The following NPHP4 variants were observed in gnomAD, a reference collection of about 807,000 sequenced individuals.
NPHP4 encodes the protein nephrocystin 4, also known as nephrocystin-4.
Under a neutral mutation model 155.8 loss-of-function variants are expected in NPHP4, and 151 were observed. The ratio of observed to expected loss-of-function variants is 0.97; its 90% CI spans 0.85 to 1.11. The LOEUF (loss-of-function observed/expected upper bound fraction) is 1.11, where lower values mean the gene tolerates loss of function less well. Ranked by LOEUF, NPHP4 falls within the 50% of genes least tolerant of loss-of-function variation. The probability of loss-of-function intolerance (pLI) is 0.00; values close to 1 mark genes in which losing one functional copy is unlikely to be tolerated. For synonymous variants in NPHP4, 845 were observed against 816.8 expected, an observed-to-expected ratio of 1.03 and a Z score of -0.59; for missense variants, 1,956 against 1,925.7, an observed-to-expected ratio of 1.02 and a Z score of -0.29.
chr1:5,964,941 A>ATTTTTTTTTT lies in NPHP4; in HGVS notation c.517+2348_517+2357dup, dbSNP rs55734317. The stretch of plus-strand genomic sequence containing the variant: ...ATTATATATATATATATATATATAT[A>ATTTTTTTTTT]TTTTTTTTTTTTGAGGCAGGGTCTC... On this transcript the variant is annotated intron_variant, in intron 5 of 29. Transcript: ENST00000378156. 7.8e-3 allele frequency among the ~76,000 whole-genome samples: 464 copies of ATTTTTTTTTT among 59,326 alleles called. 26 individuals are homozygous for ATTTTTTTTTT. The highest frequency in any genetic ancestry group is 0.021 in the African/African-American group (243 of 11,742). The allele number at this position is 59,326 out of a possible 152,430, so 38.9% of individuals were successfully genotyped here. A position where few individuals can be genotyped will look rare whatever the true frequency, so the allele number is the denominator to read the frequency against.
At chr1:5,872,605 C>T (rs992046157) in intron 23 of NPHP4, among the ~76,000 whole-genome samples, 6 of 152,214 alleles carry the variant, frequency 3.9e-5, no homozygotes, top group African/African-American at 1.4e-4. Context: ...CAGTGAGACC[C>T]GGGCCACGGG....
rs561564479 is a variant in NPHP4, at chr1:5,957,456, C to A, written c.673+4338G>T. On this transcript the variant is annotated intron_variant, in intron 6 of 29. Coordinates refer to ENST00000378156, the MANE Select transcript of NPHP4 (RefSeq NM_015102.5). ...AGCAGAATGCACCTCAGAAACAAGA[C>A]CACTGCAACAGTGGGATATTTAATT... Among the ~76,000 whole-genome samples the A allele has an allele frequency of 3.9e-5, 6 of 152,254 alleles. No homozygotes were observed. The South Asian group carries it at 1.0e-3, about 26-fold the overall frequency.
intron 9 of NPHP4, among the ~76,000 whole-genome samples, chr1:5,941,476 A>T (rs1410153957): frequency 2.0e-5 from 3 of 151,964 alleles, no homozygotes; most frequent in Admixed American, 2.0e-4. Flanking sequence ...CACAGCCAGG[A>T]AAAAAAATAA....
intron 6 of NPHP4, among the ~76,000 whole-genome samples, chr1:5,959,946 CAGTT>C (rs59846717): frequency 0.015 from 2,265 of 152,290 alleles, 54 homozygotes; most frequent in African/African-American, 0.052. Flanking sequence ...CGGCAACTCA[CAGTT>C]AGTCCTGATG....
At position 5,894,892 on chromosome 1, in the gene NPHP4, C is replaced by G. The variant is rs142474620; in HGVS notation, c.2144-3864G>C. Among the ~76,000 whole-genome samples, 543 of 152,266 alleles carry G rather than the reference C, an allele frequency of 3.6e-3. 4 individuals are homozygous for G. The highest frequency in any genetic ancestry group is 0.013 in the African/African-American group (524 of 41,550). ...TGTCTTGGACCGTCATCTCCTCGCT[C>G]TTGTGGCACTGTTCACAATAGAAAA... On this transcript the variant is annotated intron_variant, in intron 16 of 29. Coordinates refer to ENST00000378156, the MANE Select transcript of NPHP4 (RefSeq NM_015102.5).
chr1:5,890,959 A>G lies in NPHP4; in HGVS notation c.2213T>C (p.Phe738Ser). The G allele has an allele frequency of 6.2e-7, 1 of 1,600,118 alleles. No homozygotes were observed. The highest frequency in any genetic ancestry group is 1.1e-5 in the South Asian group (1 of 89,916). The change falls in exon 17 of 30, where the codon TTT (phenylalanine) becomes TCT (serine). Residue 738 changes from phenylalanine (F) to serine (S), a missense_variant. Phe to Ser is a radical substitution (Grantham distance 155). Transcript: ENST00000378156. This position sits in a 1 kb window ranked among gnomAD's most constrained non-coding sequence, Gnocchi z 4.9. Reference sequence around the variant, plus strand: ...GGTCTGCACGGCCAGGTAGCGGGCAAAGCAGCGCCGCTCACCTGGCTTCAG... The same window carrying G: ...GGTCTGCACGGCCAGGTAGCGGGCAGAGCAGCGCCGCTCACCTGGCTTCAG... ...GFLKPGERRC[F>S]ARYLAVQTLQ...
intron 2 of NPHP4, among the ~76,000 whole-genome samples, chr1:5,984,360 C>T (rs1655154023): frequency 6.6e-6 from 1 of 151,974 alleles, no homozygotes; most frequent in Admixed American, 6.6e-5. Context: ...TGGTGAAACC[C>T]CGACTCTACC....
intron 10 of NPHP4, among the ~76,000 whole-genome samples, chr1:5,932,433 C>T (rs765067858): frequency 2.6e-5 from 4 of 152,052 alleles, no homozygotes; most frequent in Non-Finnish European, 4.4e-5. Flanking sequence ...ACACTGCAGC[C>T]GAGCAGAAAC....
rs1040199747 is a variant in NPHP4, at chr1:5,882,919, G to A, written c.2486-2680C>T. 10 of 152,210 alleles carry A rather than the reference G, an allele frequency of 6.6e-5. No individual in the cohort carries two copies. The highest frequency in any genetic ancestry group is 1.2e-4 in the Non-Finnish European group (8 of 68,086). 9.4% of individuals were successfully genotyped at this position (152,210 alleles called of 1,614,324 possible). On this transcript the variant is annotated intron_variant, in intron 18 of 29. Coordinates refer to ENST00000378156, the MANE Select transcript of NPHP4 (RefSeq NM_015102.5). This position sits in a 1 kb window ranked among gnomAD's most constrained non-coding sequence, Gnocchi z 5.1. ...TCGTGGTCACAGGATCAAGATCCTC[G>A]TCCCTAAGAAAGGAACCCAGATCAG... is the stretch of plus-strand genomic sequence containing the variant.
chr1:5,986,409 C>A, intron 1 of NPHP4, 82 bp from the exon 2 acceptor site: 2 of 1,160,796 alleles, frequency 1.7e-6, no homozygotes, highest in Non-Finnish European at 2.4e-6. Context: ...CTGCCTCCCA[C>A]TAAATCCCAG....
intron 16 of NPHP4, among the ~76,000 whole-genome samples, chr1:5,891,629 C>T (rs1255461978): frequency 6.6e-6 from 1 of 152,254 alleles, no homozygotes; most frequent in Non-Finnish European, 1.5e-5. Context: ...TCTAAATTGA[C>T]AAAAATGCCA....
Position 5,912,013 on chromosome 1 carries a change from G to A in NPHP4, c.1442-2800C>T, listed in dbSNP as rs555288228. ...CCAGCAACTGAACCGGGAGCAGCAT[G>A]CGTGTGCACAGGACACAGGTAGGAG... On this transcript the variant is annotated intron_variant, in intron 11 of 29. Transcript: ENST00000378156. Among the ~76,000 whole-genome samples the A allele has an allele frequency of 2.6e-4, 40 of 152,344 alleles. 1 individual carries two copies. The highest frequency in any genetic ancestry group is 9.1e-4 in the African/African-American group (38 of 41,578).
intron 3 of NPHP4, among the ~76,000 whole-genome samples, chr1:5,970,113 T>C (rs1023048240): frequency 1.3e-5 from 2 of 152,202 alleles, no homozygotes; most frequent in Admixed American, 6.5e-5. Context: ...AACCCCTCTC[T>C]GCATCTCATA....
intron 9 of NPHP4, among the ~76,000 whole-genome samples, chr1:5,946,436 T>G (rs1360748492): frequency 6.6e-6 from 1 of 152,230 alleles, no homozygotes; most frequent in Non-Finnish European, 1.5e-5. Context: ...AAAAATACAT[T>G]AAAATGGCCT....
Position 5,911,021 on chromosome 1 carries a change from G to A in NPHP4, c.1442-1808C>T, listed in dbSNP as rs188248046. Among the ~76,000 whole-genome samples, 3 of 152,372 alleles carry A rather than the reference G, an allele frequency of 2.0e-5. No homozygotes were observed. In the East Asian group the frequency reaches 5.8e-4, roughly 29 times the overall value. On this transcript the variant is annotated intron_variant, in intron 11 of 29. Transcript: ENST00000378156. ...CTCTGTAACCAGCCACAGTAACGTGGCTCCAAGGAGCACAAAGACTCTGGT... is the reference window on the plus strand; with the variant it reads ...CTCTGTAACCAGCCACAGTAACGTGACTCCAAGGAGCACAAAGACTCTGGT...
Position 5,890,926 on chromosome 1 carries a change from A to G in NPHP4, c.2246T>C (p.Ile749Thr), listed in dbSNP as rs372250881. ...CAGGGAGTCTCCGTCCCAGACGTCA[A>G]TCTGCAGGGTCTGCACGGCCAGGTA... ...ARYLAVQTLQ[I>T]DVWDGDSLLL... Residue 749 changes from isoleucine (I) to threonine (T), a missense_variant, in exon 17 of 30, where the codon ATT becomes ACT. Physicochemically the swap from Ile to Thr is moderately conservative, Grantham distance 89. Coordinates refer to ENST00000378156, the MANE Select transcript of NPHP4 (RefSeq NM_015102.5). This position sits in a 1 kb window ranked among gnomAD's most constrained non-coding sequence, Gnocchi z 4.9. 22 of 1,610,228 alleles carry G rather than the reference A, an allele frequency of 1.4e-5. No homozygotes were observed. The highest frequency in any genetic ancestry group is 1.6e-4 in the Middle Eastern group (1 of 6,076).
intron 9 of NPHP4, among the ~76,000 whole-genome samples, chr1:5,938,228 G>A (rs1045387147): frequency 1.3e-5 from 2 of 152,206 alleles, no homozygotes; most frequent in Non-Finnish European, 2.9e-5. Context: ...CTCGCTGGCC[G>A]GCATTCTCCC....
At chr1:5,968,450 A>G (rs1651927939) in intron 4 of NPHP4, among the ~76,000 whole-genome samples, 1 of 152,108 alleles carries the variant, frequency 6.6e-6, no homozygotes, top group African/African-American at 2.4e-5. Context: ...AAAAACACAA[A>G]AATTAGCCAG....
At chr1:5,939,852 T>C (rs1457892003) in intron 9 of NPHP4, among the ~76,000 whole-genome samples, 1 of 152,096 alleles carries the variant, frequency 6.6e-6, no homozygotes, top group Non-Finnish European at 1.5e-5. Flanking sequence ...CTTTCTTTCA[T>C]TACGGGCCAC....
Sources: allele counts gnomAD v4.1 joint callset (sites outside exome capture counted in the v4.1 genomes callset), GRCh38; gene constraint gnomAD v4.1.1; non-coding constraint Gnocchi (gnomAD v3.1); transcripts MANE v1.5; gene names NCBI Gene and HGNC (gene_info 2026-07-23, HGNC 2026-07-21).